GPC1: variants seen among roughly 807,000 people sequenced by gnomAD.
GPC1 encodes glypican 1.
GPC1 carries 26 observed loss-of-function variants against 51.5 expected under a neutral mutation model. The observed-to-expected ratio is 0.50, with a 90% CI of 0.37 to 0.70. The LOEUF is 0.70. GPC1 is among the 30% of genes least tolerant of loss of function. The probability of loss-of-function intolerance (pLI) is 0.00; values close to 1 mark genes in which losing one functional copy is unlikely to be tolerated. For missense variants in GPC1, 775 were observed against 800.5 expected (o/e 0.97, Z 0.38); for synonymous variants, 380 against 348.3 (o/e 1.09, Z -1.01).
intron 1 of GPC1, among the ~76,000 whole-genome samples, chr2:240,440,157 C>T (rs1460425287): frequency 2.0e-5 from 3 of 152,216 alleles, no homozygotes; most frequent in African/African-American, 2.4e-5. Context: ...CCCCTCTCCC[C>T]GGACACCCTC....
At chr2:240,455,578 G>A (rs559161298) in intron 1 of GPC1, among the ~76,000 whole-genome samples, 64 of 152,318 alleles carry the variant, frequency 4.2e-4, no homozygotes, top group African/African-American at 1.5e-3. Flanking sequence ...CATGGGGAGG[G>A]TTCCCTCCTG....
rs951562106 is a variant in GPC1, at chr2:240,448,759, C to T, written c.167-10271C>T. Among the ~76,000 whole-genome samples, 2 of 152,018 alleles carry T rather than the reference C, an allele frequency of 1.3e-5. No individual in the cohort carries two copies. Among genetic ancestry groups the T allele is most frequent in the African/African-American group, 4.8e-5 (2 of 41,400 alleles). ...GCAGCGTGACCGGCAGTTATCCCTC[C>T]CCGGACGTGGCCTTGCAGACACCAG... On this transcript the variant is annotated intron_variant, in intron 1 of 8. Coordinates refer to ENST00000264039, the MANE Select transcript of GPC1 (RefSeq NM_002081.3). This position sits in a 1 kb window ranked among gnomAD's most constrained non-coding sequence, Gnocchi z 4.5.
At chr2:240,456,341 C>A (rs938966954) in intron 1 of GPC1, among the ~76,000 whole-genome samples, 5 of 151,986 alleles carry the variant, frequency 3.3e-5, no homozygotes, top group African/African-American at 1.2e-4. Context: ...GTGGGTCCGC[C>A]GGGACCTCGC....
chr2:240,461,045 G>A (rs1015138179), intron 2 of GPC1, among the ~76,000 whole-genome samples: 2 of 140,948 alleles, frequency 1.4e-5, no homozygotes, highest in Non-Finnish European at 3.1e-5. Flanking sequence ...TAGAGCTGGG[G>A]ACTGCACCTG....
At chr2:240,451,709 A>ACAGCATGAGCCT (rs1443786050) in intron 1 of GPC1, 3 of 206,428 alleles carry the variant, frequency 1.5e-5, no homozygotes, top group African/African-American at 7.1e-5. Flanking sequence ...GTCTGAGGCC[A>ACAGCATGAGCCT]CAGCATGAGC....
chr2:240,444,837 G>T (rs2074039251), intron 1 of GPC1, among the ~76,000 whole-genome samples: 2 of 152,186 alleles, frequency 1.3e-5, no homozygotes, highest in Admixed American at 1.3e-4. Flanking sequence ...GGTAACCCAT[G>T]TGTGACGTCC....
At chr2:240,462,778 C>A (rs2074227939) in intron 3 of GPC1, among the ~76,000 whole-genome samples, 196 bp downstream of exon 3, 1 of 152,250 alleles carries the variant, frequency 6.6e-6, no homozygotes, top group South Asian at 2.1e-4. Context: ...CAGATGTGAG[C>A]CTTGCTCTGG....
rs370179873 is a variant in GPC1, at chr2:240,459,974, G to A, written c.325+786G>A. The stretch of plus-strand genomic sequence containing the variant: ...CCGGGACAGTGAGCCTGGGCAGACA[G>A]GAGGGAGGGAGCGCTGAGGCTGCAG... On this transcript the variant is annotated intron_variant, in intron 2 of 8. Transcript: ENST00000264039. Among the ~76,000 whole-genome samples the A allele has an allele frequency of 2.6e-5, 4 of 152,260 alleles. No individual in the cohort carries two copies. In the East Asian group the frequency reaches 7.7e-4, roughly 29 times the overall value.
chr2:240,456,002 C>T (rs1436952205), intron 1 of GPC1: 1 of 430,452 alleles, frequency 2.3e-6, no homozygotes. Context: ...GGCTCCCAGG[C>T]CGGCGCCCGA....
At chr2:240,436,667 T>C (rs1277970905) in intron 1 of GPC1, among the ~76,000 whole-genome samples, 1 of 152,038 alleles carries the variant, frequency 6.6e-6, no homozygotes, top group Non-Finnish European at 1.5e-5. Flanking sequence ...CCTCGGGGGG[T>C]AGTGCGGAGG....
chr2:240,464,595 G>A (rs751018702), intron 4 of GPC1, 21 bp from the exon 5 acceptor site: 13 of 1,591,758 alleles, frequency 8.2e-6, no homozygotes, highest in South Asian at 2.2e-5. Flanking sequence ...CTGTGTGTCC[G>A]CGTGTTAACG....
chr2:240,449,554 A>C (rs991268573), intron 1 of GPC1: 4 of 241,638 alleles, frequency 1.7e-5, no homozygotes, highest in African/African-American at 9.0e-5. Flanking sequence ...CAAAATATGC[A>C]TAACAAAATT....
intron 1 of GPC1, among the ~76,000 whole-genome samples, chr2:240,436,317 C>G (rs1364097451): frequency 6.6e-6 from 1 of 152,134 alleles, no homozygotes. Context: ...CTCGGTCGTC[C>G]TCCGCCCCTC....
In GPC1 at chr2:240,459,199, C is replaced by A. The variant is rs1286724761; in HGVS notation, c.325+11C>A. The A allele has an allele frequency of 1.2e-6, 2 of 1,608,762 alleles. No homozygotes were observed. Among genetic ancestry groups the A allele is most frequent in the South Asian group, 2.2e-5 (2 of 90,672 alleles). ...TGCGCAGCTTCGATGGTGAGTGCCT[C>A]CCACGGGCGCTCGGGGCCCGCAGGG... On this transcript the variant is annotated intron_variant, in intron 2 of 8. Transcript: ENST00000264039.
intron 1 of GPC1, among the ~76,000 whole-genome samples, chr2:240,438,747 C>T (rs1356605886): frequency 1.3e-5 from 2 of 152,190 alleles, no homozygotes; most frequent in South Asian, 2.1e-4. Context: ...AGGGCAGTGT[C>T]GGGACATATT....
At chr2:240,443,273 T>C (rs558459659) in intron 1 of GPC1, among the ~76,000 whole-genome samples, 18 of 152,350 alleles carry the variant, frequency 1.2e-4, no homozygotes, top group Admixed American at 1.1e-3. Context: ...AGTCTCCCAC[T>C]TGTCAGGGGG....
At chr2:240,439,787 C>A (rs947219856) in intron 1 of GPC1, among the ~76,000 whole-genome samples, 3 of 152,240 alleles carry the variant, frequency 2.0e-5, no homozygotes, top group Non-Finnish European at 2.9e-5. Context: ...CCTGTCCTGT[C>A]CAGGTGGCTC....
intron 1 of GPC1, among the ~76,000 whole-genome samples, chr2:240,441,216 C>T (rs987778730): frequency 3.3e-5 from 5 of 152,272 alleles, no homozygotes; most frequent in South Asian, 2.1e-4. Flanking sequence ...CATCAGACCT[C>T]GGAGGAGAGC....
At chr2:240,455,647 GGGGTGGGGAGGCCCCT>G in intron 1 of GPC1, among the ~76,000 whole-genome samples, 1 of 152,136 alleles carries the variant, frequency 6.6e-6, no homozygotes, top group African/African-American at 2.4e-5. Context: ...GAGGCCCCTG[GGGGTGGGGAGGCCCCT>G]GGGTGGGGAG....
Sources: gnomAD v4.1 joint callset for allele counts (sites outside exome capture counted in the v4.1 genomes callset) on GRCh38, gnomAD v4.1.1 for gene constraint, Gnocchi (gnomAD v3.1) non-coding constraint, MANE v1.5 for transcripts, NCBI Gene and HGNC (gene_info 2026-07-23, HGNC 2026-07-21) for gene names.